The following DAB2IP variants were observed in gnomAD, a reference collection of about 807,000 sequenced individuals.
The protein encoded by DAB2IP is disabled homolog 2-interacting protein.
In DAB2IP, 28 loss-of-function variants were observed where a neutral mutation model predicts 107.2. The observed-to-expected ratio is 0.26, with a 90% CI of 0.19 to 0.36. DAB2IP has a LOEUF of 0.36. DAB2IP is among the 10% of genes least tolerant of loss of function. The probability of loss-of-function intolerance (pLI) is 1.00; values close to 1 mark genes in which losing one functional copy is unlikely to be tolerated. For missense variants in DAB2IP, 1,400 were observed against 1,644.7 expected, an observed-to-expected ratio of 0.85 and a Z score of 2.57; for synonymous variants, 755 against 706.4, an observed-to-expected ratio of 1.07 and a Z score of -1.09.
intron 2 of DAB2IP, among the ~76,000 whole-genome samples, chr9:121,690,553 G>C (rs1177033709): frequency 2.0e-5 from 3 of 152,172 alleles, no homozygotes; most frequent in Non-Finnish European, 2.9e-5. Context: ...ATGGGACAAT[G>C]AGTCACTCCC....
At chr9:121,665,879 G>A (rs996302265) in intron 1 of DAB2IP, among the ~76,000 whole-genome samples, 1 of 152,200 alleles carries the variant, frequency 6.6e-6, no homozygotes, top group African/African-American at 2.4e-5. Flanking sequence ...ATCTGAACCT[G>A]TATCTCTCTA....
At chr9:121,680,744 T>C (rs1371802176) in intron 2 of DAB2IP, among the ~76,000 whole-genome samples, 1 of 43,010 alleles carries the variant, frequency 2.3e-5, no homozygotes, top group Non-Finnish European at 4.5e-5. Flanking sequence ...TTTTTTTTTC[T>C]TTTTTTTTTT....
intron 3 of DAB2IP, among the ~76,000 whole-genome samples, chr9:121,721,765 T>C (rs1289389444): frequency 6.6e-6 from 1 of 152,258 alleles, no homozygotes; most frequent in Non-Finnish European, 1.5e-5. Flanking sequence ...TAAAGACCTT[T>C]ATCTTAAAGG....
intron 3 of DAB2IP, among the ~76,000 whole-genome samples, chr9:121,722,295 T>C (rs1358554528): frequency 6.6e-6 from 1 of 152,166 alleles, no homozygotes; most frequent in Non-Finnish European, 1.5e-5. Context: ...GGAAAGGGGC[T>C]CTTCCCTTCT....
exon 16 of DAB2IP, chr9:121,783,386 C>T (rs1231237646): frequency 6.4e-7 from 1 of 1,553,094 alleles, no homozygotes; most frequent in African/African-American, 1.4e-5. Flanking sequence ...GCCCAGCACA[C>T]CCAGGGCACA....
chr9:121,773,937 G>C (rs1834976790), intron 12 of DAB2IP, among the ~76,000 whole-genome samples: 2 of 152,136 alleles, frequency 1.3e-5, no homozygotes, highest in South Asian at 4.1e-4. Context: ...GAGGTGCCTT[G>C]GGCTGACAGC....
rs1189031607 is a variant in DAB2IP at position 121,736,004 on chromosome 9, G to C, written c.363-21009G>C. 1.3e-5 allele frequency among the ~76,000 whole-genome samples: 2 copies of C among 152,186 alleles called. No homozygotes were observed. Among genetic ancestry groups the C allele is most frequent in the African/African-American group, 4.8e-5 (2 of 41,450 alleles). On this transcript the variant is annotated intron_variant, in intron 3 of 15. Coordinates refer to ENST00000408936, the Ensembl canonical transcript of DAB2IP. This position sits in a 1 kb window ranked among gnomAD's most constrained non-coding sequence, Gnocchi z 4.6. Reference sequence around the variant, plus strand: ...CCCGACCTTTCCCTTCTGTCCTGCCGGACTAGCCGGGTGCTTTCCAGAAGA... The same window carrying C: ...CCCGACCTTTCCCTTCTGTCCTGCCCGACTAGCCGGGTGCTTTCCAGAAGA...
At chr9:121,763,558 G>A (rs372829760) in exon 7 of DAB2IP, 3 of 1,613,946 alleles carry the variant, frequency 1.9e-6, no homozygotes, top group Admixed American at 1.7e-5. Context: ...GGGACAACGA[G>A]CACCTCATCT....
chr9:121,743,602 T>C (rs183393973), intron 3 of DAB2IP, among the ~76,000 whole-genome samples: 86 of 152,256 alleles, frequency 5.6e-4, no homozygotes, highest in Middle Eastern at 3.4e-3. Context: ...TGGAGTGGCA[T>C]GTCTGGGATC....
chr9:121,755,385 T>C (rs971478303), intron 3 of DAB2IP, among the ~76,000 whole-genome samples: 3 of 152,214 alleles, frequency 2.0e-5, no homozygotes, highest in African/African-American at 7.2e-5. Context: ...TGGGAGTCCT[T>C]GTGGGAGTTG....
intron 11 of DAB2IP, among the ~76,000 whole-genome samples, chr9:121,771,653 G>A (rs560320106): frequency 7.2e-5 from 11 of 152,238 alleles, no homozygotes; most frequent in South Asian, 2.1e-4. Flanking sequence ...AGCCGGGCCC[G>A]TGAGTTCTGA....
At chr9:121,612,505 G>A (rs1365451042) in intron 1 of DAB2IP, among the ~76,000 whole-genome samples, 1 of 152,136 alleles carries the variant, frequency 6.6e-6, no homozygotes, top group Admixed American at 6.5e-5. Flanking sequence ...CTTTTGCATG[G>A]TATCCACAGT....
chr9:121,696,453 C>T (rs1829434217), intron 2 of DAB2IP, among the ~76,000 whole-genome samples: 1 of 152,170 alleles, frequency 6.6e-6, no homozygotes, highest in Non-Finnish European at 1.5e-5. Flanking sequence ...GCCCCTCTTC[C>T]CAAGTTAGGG....
intron 3 of DAB2IP, among the ~76,000 whole-genome samples, chr9:121,755,085 C>T (rs1041333867): frequency 2.2e-4 from 34 of 152,168 alleles, no homozygotes; most frequent in African/African-American, 6.3e-4. Context: ...GGGAGGTGGG[C>T]GGCTCAGGTG....
intron 3 of DAB2IP, among the ~76,000 whole-genome samples, chr9:121,705,384 A>T: frequency 6.6e-6 from 1 of 152,268 alleles, no homozygotes. Context: ...AGTGCCTGGT[A>T]CATCATATGG....
chr9:121,705,611 G>A (rs1830021706), intron 3 of DAB2IP, among the ~76,000 whole-genome samples: 1 of 152,200 alleles, frequency 6.6e-6, no homozygotes, highest in African/African-American at 2.4e-5. Flanking sequence ...GTGCATACTT[G>A]TGTGCATGTG....
intron 1 of DAB2IP, among the ~76,000 whole-genome samples, chr9:121,614,317 C>G (rs1831191823): frequency 6.6e-6 from 1 of 150,544 alleles, no homozygotes; most frequent in African/African-American, 2.4e-5. Context: ...GACTCTCCCA[C>G]CTTTGCACTT....
intron 3 of DAB2IP, chr9:121,742,736 G>A (rs917042067): frequency 2.5e-5 from 25 of 985,498 alleles, no homozygotes; most frequent in Admixed American, 1.2e-4. Context: ...TTTCTTCCCC[G>A]CATCCTCCCT....
intron 11 of DAB2IP, among the ~76,000 whole-genome samples, chr9:121,771,606 G>C (rs1231157545): frequency 1.3e-5 from 2 of 148,520 alleles, no homozygotes; most frequent in Non-Finnish European, 3.0e-5. Flanking sequence ...GTTTGGAGTG[G>C]GGGGTGCAGT....
Sources: allele counts gnomAD v4.1 joint callset (sites outside exome capture counted in the v4.1 genomes callset), GRCh38; gene constraint gnomAD v4.1.1; non-coding constraint Gnocchi (gnomAD v3.1); transcripts MANE v1.5; gene names NCBI Gene and HGNC (gene_info 2026-07-23, HGNC 2026-07-21).